Variants in AATF observed in about 807,000 individuals in gnomAD.
The protein encoded by AATF is protein AATF.
Under a neutral mutation model 63.7 loss-of-function variants are expected in AATF, and 48 were observed. The observed-to-expected ratio is 0.75, with a 90% CI of 0.60 to 0.96. The LOEUF (loss-of-function observed/expected upper bound fraction) is 0.96, where lower values mean the gene tolerates loss of function less well. Ranked by LOEUF, AATF falls within the 40% of genes least tolerant of loss-of-function variation. The pLI is 0.00. For missense variants in AATF, 639 were observed against 685.7 expected (o/e 0.93, Z 0.76); for synonymous variants, 258 against 247.7 (o/e 1.04, Z -0.39).
intron 4 of AATF, 54 bp downstream of exon 4, chr17:36,953,961 A>C: frequency 6.3e-7 from 1 of 1,578,226 alleles, no homozygotes; most frequent in Non-Finnish European, 8.6e-7. Context: ...TCAAATGAAG[A>C]CAGCTTTGAT....
At chr17:37,005,028 G>A (rs1346597556) in intron 8 of AATF, among the ~76,000 whole-genome samples, 1 of 152,182 alleles carries the variant, frequency 6.6e-6, no homozygotes, top group East Asian at 1.9e-4. Flanking sequence ...GCAAACTATT[G>A]TGGTGGCAGC....
chr17:37,005,574 A>G (rs1342052293), intron 8 of AATF, among the ~76,000 whole-genome samples: 2 of 152,246 alleles, frequency 1.3e-5, no homozygotes, highest in Non-Finnish European at 1.5e-5. Context: ...ATCGTTCTCT[A>G]GTTCAGAATG....
chr17:37,004,666 T>C (rs1378468020), intron 8 of AATF, among the ~76,000 whole-genome samples: 1 of 151,920 alleles, frequency 6.6e-6, no homozygotes, highest in Non-Finnish European at 1.5e-5. Context: ...TCTATGTTAT[T>C]TTATGGTATT....
intron 8 of AATF, among the ~76,000 whole-genome samples, chr17:37,000,699 A>G (rs1319389808): frequency 6.6e-6 from 1 of 152,206 alleles, no homozygotes; most frequent in Non-Finnish European, 1.5e-5. Flanking sequence ...AGAGAGAAAA[A>G]GAGATTCGAA....
In AATF at chr17:36,980,898, CT is replaced by C. The variant is rs1234706804; in HGVS notation, c.833-5701del. On this transcript the variant is annotated intron_variant, in intron 4 of 11. Coordinates refer to ENST00000619387, the MANE Select transcript of AATF (RefSeq NM_012138.4). ...CACTGGTGACATTTACTTTGATAAA[CT>C]TTTTTTTTTTTTTTTTTGGTGGTTA... Among the ~76,000 whole-genome samples, 431 of 132,908 alleles carry C rather than the reference CT, an allele frequency of 3.2e-3. 1 individual carries two copies. The highest frequency in any genetic ancestry group is 8.0e-3 in the Middle Eastern group (2 of 250). The allele number at this position is 132,908 out of a possible 152,430, so 87.2% of individuals were successfully genotyped here.
chr17:36,964,041 CAAAA>C (rs200680895), intron 4 of AATF, among the ~76,000 whole-genome samples: 7 of 150,038 alleles, frequency 4.7e-5, no homozygotes, highest in South Asian at 4.2e-4. Flanking sequence ...AAAAAAGAAA[CAAAA>C]AAAGAGAATG....
chr17:36,961,522 AGAGTAT>A (rs1380820213), intron 4 of AATF, among the ~76,000 whole-genome samples: 1 of 152,214 alleles, frequency 6.6e-6, no homozygotes, highest in African/African-American at 2.4e-5. Flanking sequence ...TTTGAAATCC[AGAGTAT>A]ATTCTATAAT....
At chr17:36,994,466 T>C (rs1478874121) in intron 8 of AATF, among the ~76,000 whole-genome samples, 1 of 152,244 alleles carries the variant, frequency 6.6e-6, no homozygotes, top group Non-Finnish European at 1.5e-5. Flanking sequence ...CTGGAATTGC[T>C]GAAAGCATGA....
At chr17:36,992,495 T>C (rs2071223288) in intron 8 of AATF, among the ~76,000 whole-genome samples, 1 of 152,202 alleles carries the variant, frequency 6.6e-6, no homozygotes, top group Non-Finnish European at 1.5e-5. Context: ...AATGTTCCAG[T>C]CCTCATTAAT....
At chr17:36,958,560 T>C (rs1213023519) in intron 4 of AATF, among the ~76,000 whole-genome samples, 2 of 152,324 alleles carry the variant, frequency 1.3e-5, no homozygotes, top group South Asian at 2.1e-4. Flanking sequence ...TAAGGAAATC[T>C]CACCATGAGT....
intron 10 of AATF, among the ~76,000 whole-genome samples, chr17:37,022,467 C>T (rs1053942935): frequency 2.0e-5 from 3 of 152,136 alleles, no homozygotes; most frequent in African/African-American, 7.2e-5. Flanking sequence ...TGCAAAGTAT[C>T]GTCCTTTGAT....
intron 2 of AATF, among the ~76,000 whole-genome samples, chr17:36,951,529 C>T (rs2070854946): frequency 6.6e-6 from 1 of 152,066 alleles, no homozygotes; most frequent in Admixed American, 6.5e-5. Flanking sequence ...TAATTTAATC[C>T]TCCCAATTGC....
chr17:36,983,616 GC>G (rs11361401), intron 4 of AATF, among the ~76,000 whole-genome samples: 4,955 of 152,244 alleles, frequency 0.033, 285 homozygotes, highest in African/African-American at 0.11. Context: ...CTCCCAAAGT[GC>G]TGGGATTACA....
At chr17:37,018,489 G>A (rs911064985) in intron 8 of AATF, among the ~76,000 whole-genome samples, 2 of 152,218 alleles carry the variant, frequency 1.3e-5, no homozygotes, top group African/African-American at 4.8e-5. Flanking sequence ...AGCAGCTGTG[G>A]AAAACAAGAG....
intron 4 of AATF, among the ~76,000 whole-genome samples, chr17:36,970,911 T>C (rs906323770): frequency 1.3e-5 from 2 of 152,096 alleles, no homozygotes; most frequent in African/African-American, 4.8e-5. Context: ...TACCTCATAC[T>C]TGATATAAAA....
intron 8 of AATF, among the ~76,000 whole-genome samples, chr17:36,992,747 T>C (rs1249349779): frequency 1.3e-5 from 2 of 152,140 alleles, no homozygotes; most frequent in Non-Finnish European, 2.9e-5. Context: ...ACATCTTAGC[T>C]TTTCCCCTTG....
At chr17:37,055,275 T>C (rs1254583369) in intron 11 of AATF, 1 of 152,254 alleles carries the variant, frequency 6.6e-6, no homozygotes, top group East Asian at 1.9e-4. Flanking sequence ...GTCCCCAACA[T>C]GATAAGGCTA....
In AATF at chr17:37,024,945, C is replaced by T. The variant is rs540644688; in HGVS notation, c.1547+3931C>T. Among the ~76,000 whole-genome samples the T allele has an allele frequency of 8.6e-4, 130 of 151,402 alleles. 1 individual carries two copies. Among genetic ancestry groups the T allele is most frequent in the African/African-American group, 3.1e-3 (126 of 41,220 alleles). On this transcript the variant is annotated intron_variant, in intron 10 of 11. Transcript: ENST00000619387. ...CTGCACTCCAGCCTGAGTCACAGAG[C>T]GAGACCCTGTCTCAAAAAAAAAAAG...
At chr17:37,014,551 T>C (rs144181955) in intron 8 of AATF, among the ~76,000 whole-genome samples, 13 of 152,276 alleles carry the variant, frequency 8.5e-5, no homozygotes, top group African/African-American at 2.9e-4. Flanking sequence ...TGATCACCTC[T>C]TTATATGTAA....
Sources: allele counts gnomAD v4.1 joint callset (sites outside exome capture counted in the v4.1 genomes callset), GRCh38; gene constraint gnomAD v4.1.1; transcripts MANE v1.5; gene names NCBI Gene and HGNC (gene_info 2026-07-23, HGNC 2026-07-21).